Variants in PHKA1 observed in about 807,000 individuals in gnomAD.
PHKA1 encodes the protein phosphorylase b kinase regulatory subunit alpha, skeletal muscle isoform.
Under a neutral mutation model 110.2 loss-of-function variants are expected in PHKA1, and 60 were observed. The observed-to-expected ratio is 0.54, with a 90% CI of 0.44 to 0.68. The LOEUF is 0.68. Ranked by LOEUF, PHKA1 falls within the 30% of genes least tolerant of loss-of-function variation. The probability of loss-of-function intolerance (pLI) is 0.00; values close to 1 mark genes in which losing one functional copy is unlikely to be tolerated. For missense variants in PHKA1, 801 were observed against 942.5 expected (o/e 0.85, Z 1.97); for synonymous variants, 316 against 333.6 (o/e 0.95, Z 0.58).
chrX:72,680,659 G>A (rs1183956367), intron 5 of PHKA1, among the ~76,000 whole-genome samples: 1 of 108,808 alleles, frequency 9.2e-6, no homozygotes, highest in Non-Finnish European at 1.9e-5. Flanking sequence ...GCGGCCCGGG[G>A]CAGTGCGGAG....
rs182676274 is a variant in PHKA1, at chrX:72,702,817, G to T, written c.285+2381C>A. ...GCCCCTACAAGCTGGGAACTGGTCA[G>T]GGAAAATCCGCCTCCCATTCTATTC... On this transcript the variant is annotated intron_variant, in intron 3 of 31. Transcript: ENST00000373542. Among the ~76,000 whole-genome samples, 8 of 111,626 alleles carry T rather than the reference G, an allele frequency of 7.2e-5. No homozygotes were observed. In the East Asian group the frequency reaches 2.3e-3, roughly 32 times the overall value.
At chrX:72,635,435 C>T in intron 15 of PHKA1, 136 bp from the exon 16 acceptor site, 1 of 572,547 alleles carries the variant, frequency 1.7e-6, no homozygotes, top group East Asian at 3.6e-5. Context: ...ATGTCTAATA[C>T]ATTCCAAAGT....
intron 16 of PHKA1, among the ~76,000 whole-genome samples, chrX:72,630,025 A>C (rs913770770): frequency 5.4e-5 from 6 of 112,077 alleles, no homozygotes; most frequent in Admixed American, 9.5e-5. Flanking sequence ...ATAATTTAGA[A>C]AATTGAAGTG....
intron 14 of PHKA1, among the ~76,000 whole-genome samples, chrX:72,641,391 T>A (rs1224775243): frequency 1.8e-5 from 2 of 111,582 alleles, no homozygotes; most frequent in Non-Finnish European, 3.8e-5. Flanking sequence ...TTACTTTGAT[T>A]TGATGAAATA....
At chrX:72,585,922 G>C (rs1042308091) in intron 29 of PHKA1, among the ~76,000 whole-genome samples, 9 of 112,379 alleles carry the variant, frequency 8.0e-5, no homozygotes, top group African/African-American at 2.6e-4. Flanking sequence ...TGCCTGGGAA[G>C]CTTGAACTGG....
At chrX:72,707,751 T>G (rs2054312865) in intron 2 of PHKA1, 1 of 110,808 alleles carries the variant, frequency 9.0e-6, no homozygotes, top group African/African-American at 3.3e-5. Flanking sequence ...ATTTTACTAT[T>G]CTTGCAACTT....
intron 18 of PHKA1, 96 bp from the exon 19 acceptor site, chrX:72,620,997 G>A (rs2052971339): frequency 4.3e-6 from 4 of 937,337 alleles, no homozygotes; most frequent in Non-Finnish European, 5.9e-6. Context: ...TGGCTCCTGT[G>A]CTCACAACAC....
intron 3 of PHKA1, among the ~76,000 whole-genome samples, chrX:72,698,808 C>G (rs2054163747): frequency 1.8e-5 from 2 of 112,252 alleles, no homozygotes; most frequent in Admixed American, 1.9e-4. Context: ...TTGGCCTATG[C>G]CCAGGAGTGA....
chrX:72,707,972 C>G (rs2054315768), intron 2 of PHKA1: 1 of 110,913 alleles, frequency 9.0e-6, no homozygotes, highest in Non-Finnish European at 1.9e-5. Context: ...GATCACTGTA[C>G]AAGTGAGTGG....
chrX:72,705,937 T>C (rs1212220382), intron 2 of PHKA1, among the ~76,000 whole-genome samples: 2 of 112,059 alleles, frequency 1.8e-5, no homozygotes, highest in Non-Finnish European at 3.8e-5. Flanking sequence ...AAATGTGTTT[T>C]GGAAGAACAT....
At chrX:72,607,763 G>A (rs1351294101) in intron 23 of PHKA1, among the ~76,000 whole-genome samples, 2 of 111,744 alleles carry the variant, frequency 1.8e-5, no homozygotes, top group African/African-American at 3.3e-5. Flanking sequence ...AAGAGGATCA[G>A]CTTCAACAAC....
chrX:72,660,446 A>C (rs2053546127), intron 8 of PHKA1: 1 of 236,247 alleles, frequency 4.2e-6, no homozygotes, highest in African/African-American at 2.9e-5. Flanking sequence ...AATGCATCTA[A>C]GAATCAACAT....
intron 16 of PHKA1, among the ~76,000 whole-genome samples, chrX:72,628,065 G>A (rs782036855): frequency 1.8e-4 from 20 of 109,930 alleles, no homozygotes; most frequent in Non-Finnish European, 3.2e-4. Context: ...TCCTGATTTC[G>A]TGATCCACCT....
Position 72,635,246 on chromosome X carries a change from T to G in PHKA1, c.1623A>C (p.Glu541Asp). ...YLALDNKMIV[E>D]MLRTDLSYLC... ...GGTAGGAGAGGTCTGTTCTAAGCAT[T>G]TCCACTATCATCTTGTTGTCCAGAG... Residue 541 changes from glutamate (E) to aspartate (D), a missense_variant, in exon 16 of 32, where the codon GAA (glutamate) becomes GAC (aspartate). Physicochemically the swap from Glu to Asp is conservative, Grantham distance 45. Coordinates refer to ENST00000373542, the MANE Select transcript of PHKA1 (RefSeq NM_002637.4). 1 of 1,210,908 alleles carries G rather than the reference T, an allele frequency of 8.3e-7. No homozygotes were observed. The highest frequency in any genetic ancestry group is 2.2e-5 in the Admixed American group (1 of 46,039).
At chrX:72,711,072 A>G (rs926734589) in intron 2 of PHKA1, among the ~76,000 whole-genome samples, 20 of 108,005 alleles carry the variant, frequency 1.9e-4, no homozygotes, top group Non-Finnish European at 3.5e-4. Flanking sequence ...CGTGTTAGCC[A>G]GGATGGTCTC....
At chrX:72,632,472 C>T (rs182174608) in intron 16 of PHKA1, among the ~76,000 whole-genome samples, 3 of 111,474 alleles carry the variant, frequency 2.7e-5, no homozygotes, top group South Asian at 3.8e-4. Context: ...ATTAATACTG[C>T]GACCACTGCT....
chrX:72,671,057 T>C (rs1412326820), intron 6 of PHKA1, among the ~76,000 whole-genome samples: 8 of 111,476 alleles, frequency 7.2e-5, no homozygotes, highest in Non-Finnish European at 1.3e-4. Flanking sequence ...ACCACTCCTA[T>C]TCAACATAGT....
At chrX:72,610,270 C>G (rs1189063786) in intron 22 of PHKA1, among the ~76,000 whole-genome samples, 1 of 110,742 alleles carries the variant, frequency 9.0e-6, no homozygotes, top group African/African-American at 3.3e-5. Flanking sequence ...CTCTATCCCC[C>G]ACTCCCGACT....
intron 3 of PHKA1, among the ~76,000 whole-genome samples, chrX:72,703,038 T>C (rs1463341868): frequency 9.0e-6 from 1 of 111,610 alleles, no homozygotes; most frequent in East Asian, 2.8e-4. Flanking sequence ...TTCTTACATA[T>C]ATTGATTGAT....
Sources: allele counts gnomAD v4.1 joint callset (sites outside exome capture counted in the v4.1 genomes callset), GRCh38; gene constraint gnomAD v4.1.1; transcripts MANE v1.5; gene names NCBI Gene and HGNC (gene_info 2026-07-23, HGNC 2026-07-21).